Variants in VMA22 observed in about 807,000 individuals in gnomAD.
VMA22 encodes vacuolar ATPase assembly protein VMA22.
At chr2:130,338,858 C>T in the VMA22 span, 2 of 428,292 alleles carry the variant, frequency 4.7e-6, no homozygotes, top group Admixed American at 3.9e-5. Context: ...CAATTGTTGA[C>T]TAACGTGTAC....
the VMA22 span, chr2:130,339,208 G>C: frequency 2.5e-6 from 4 of 1,614,170 alleles, no homozygotes; most frequent in Non-Finnish European, 3.4e-6. Context: ...CTGGAGGCTG[G>C]CTATGTCTGC....
chr2:130,339,662 C>T, the VMA22 span: 26 of 1,304,904 alleles, frequency 2.0e-5, no homozygotes, highest in East Asian at 5.5e-5. Flanking sequence ...CCCAGTCCTC[C>T]GGGCAGCTCT....
the VMA22 span, chr2:130,341,845 C>A: frequency 9.5e-6 from 15 of 1,570,732 alleles, no homozygotes; most frequent in Non-Finnish European, 1.2e-5. Flanking sequence ...CCTCACCTGG[C>A]GTGGAGGCAG....
the VMA22 span, chr2:130,339,699 G>C: frequency 1.5e-5 from 19 of 1,304,364 alleles, no homozygotes; most frequent in Middle Eastern, 6.4e-4. Context: ...TTCAGCAGCA[G>C]GGCTGACCAC....
chr2:130,340,935 G>A, the VMA22 span: 20 of 1,613,976 alleles, frequency 1.2e-5, no homozygotes, highest in South Asian at 4.4e-5. Flanking sequence ...TGAGCCTGAC[G>A]TAGACTGTGA....
the VMA22 span, chr2:130,339,586 G>C: frequency 1.5e-6 from 2 of 1,293,862 alleles, no homozygotes; most frequent in South Asian, 2.5e-5. Flanking sequence ...TCTTTTCTCT[G>C]TTAGTCCACA....
At chr2:130,339,194 G>A in the VMA22 span, 20 of 1,614,064 alleles carry the variant, frequency 1.2e-5, no homozygotes, top group Admixed American at 1.0e-4. Context: ...CAGTCAATGC[G>A]GTTCTGGAGG....
the VMA22 span, chr2:130,342,269 C>A: frequency 1.3e-6 from 2 of 1,509,186 alleles, no homozygotes; most frequent in South Asian, 1.2e-5. Context: ...GCCTCTGGGT[C>A]AGCTTCTTTA....
the VMA22 span, chr2:130,341,090 T>A: frequency 6.6e-7 from 1 of 1,514,814 alleles, no homozygotes; most frequent in Non-Finnish European, 8.8e-7. Flanking sequence ...CTGACCTTTA[T>A]CATCTTGGTG....
chr2:130,341,903 G>C, the VMA22 span: 1 of 1,608,222 alleles, frequency 6.2e-7, no homozygotes, highest in African/African-American at 1.4e-5. Flanking sequence ...CTACCGACTT[G>C]GCGCCCATCG....
the VMA22 span, chr2:130,338,993 G>C: frequency 1.5e-6 from 1 of 670,522 alleles, no homozygotes; most frequent in Non-Finnish European, 2.6e-6. Flanking sequence ...TGCAGAGCAG[G>C]GACACAGAAG....
At chr2:130,339,006 G>A in the VMA22 span, 7 of 714,914 alleles carry the variant, frequency 9.8e-6, no homozygotes, top group Non-Finnish European at 1.2e-5. Context: ...CACAGAAGGG[G>A]CATTAGCTGG....
chr2:130,341,881 A>G, the VMA22 span: 1 of 1,601,050 alleles, frequency 6.2e-7, no homozygotes, highest in Non-Finnish European at 8.5e-7. Flanking sequence ...TGGGAAGCAT[A>G]CTGCAGGGGC....
the VMA22 span, chr2:130,339,556 T>C: frequency 7.8e-7 from 1 of 1,281,764 alleles, no homozygotes; most frequent in Non-Finnish European, 1.0e-6. Flanking sequence ...CTCTCTGCCC[T>C]CACCTGCTCT....
At chr2:130,339,422 T>A in the VMA22 span, 1 of 1,421,190 alleles carries the variant, frequency 7.0e-7, no homozygotes, top group Non-Finnish European at 9.2e-7. Context: ...CTTCAGGTCT[T>A]TGCTAAAATG....
the VMA22 span, chr2:130,342,166 C>A: frequency 1.1e-5 from 18 of 1,607,106 alleles, no homozygotes; most frequent in Non-Finnish European, 1.4e-5. Context: ...TTCCTTGTCA[C>A]CCTCCGCAGT....
the VMA22 span, chr2:130,342,095 C>G: frequency 6.2e-7 from 1 of 1,613,870 alleles, no homozygotes; most frequent in African/African-American, 1.3e-5. Flanking sequence ...ACCAGCGAAT[C>G]CAGCTCCGCT....
At chr2:130,342,647 G>A in the VMA22 span, 1 of 493,004 alleles carries the variant, frequency 2.0e-6, no homozygotes, top group East Asian at 3.1e-5. Context: ...GGGAGGACGA[G>A]GATGGAGAAG....
chr2:130,341,755 G>A, the VMA22 span: 155 of 1,610,636 alleles, frequency 9.6e-5, no homozygotes, highest in Non-Finnish European at 1.1e-4. Flanking sequence ...CCTCGCTGAA[G>A]GACGAGAAGG....
Sources: allele counts gnomAD v4.1 joint callset, GRCh38; gene constraint gnomAD v4.1.1; transcripts MANE v1.5; gene names NCBI Gene and HGNC (gene_info 2026-07-23, HGNC 2026-07-21).